PITPNC1: variants seen among roughly 807,000 people sequenced by gnomAD.
PITPNC1 encodes the protein phosphatidylinositol transfer protein cytoplasmic 1.
Under a neutral mutation model 44.7 loss-of-function variants are expected in PITPNC1, and 18 were observed. That is an observed-to-expected ratio of 0.40 (90% CI 0.28 to 0.60). The LOEUF is 0.60. Ranked by LOEUF, PITPNC1 falls within the 20% of genes least tolerant of loss-of-function variation. The pLI is 0.39. For missense variants in PITPNC1, 290 were observed against 418.4 expected, an observed-to-expected ratio of 0.69 and a Z score of 2.68; for synonymous variants, 141 against 149.6, an observed-to-expected ratio of 0.94 and a Z score of 0.42.
At chr17:67,405,841 A>G (rs2038389462) in intron 1 of PITPNC1, among the ~76,000 whole-genome samples, 1 of 152,110 alleles carries the variant, frequency 6.6e-6, no homozygotes. Context: ...TCCTGAGCTC[A>G]GGTGATCCTC....
intron 5 of PITPNC1, among the ~76,000 whole-genome samples, chr17:67,610,134 A>G (rs2041668120): frequency 6.6e-6 from 1 of 152,188 alleles, no homozygotes; most frequent in Non-Finnish European, 1.5e-5. Context: ...ATATCAGGTC[A>G]GGATACGAGA....
At chr17:67,681,979 C>G (rs549511009) in intron 8 of PITPNC1, among the ~76,000 whole-genome samples, 1 of 152,080 alleles carries the variant, frequency 6.6e-6, no homozygotes, top group Non-Finnish European at 1.5e-5. Context: ...AGGCAGATCA[C>G]CTTAGGTCAG....
At chr17:67,566,465 A>G (rs1390836862) in intron 4 of PITPNC1, among the ~76,000 whole-genome samples, 1 of 152,116 alleles carries the variant, frequency 6.6e-6, no homozygotes, top group African/African-American at 2.4e-5. Flanking sequence ...CAGCCTCCCA[A>G]AGTGCTGGGA....
rs1339996148 is a variant in PITPNC1 at position 67,379,465 on chromosome 17, G to A, written c.48+1263G>A. ...TACAAAACGCATCACGGGGACACAGGCTGCCAAGGAGGGAGAGATCAGCTT... is the reference window on the plus strand; with the variant it reads ...TACAAAACGCATCACGGGGACACAGACTGCCAAGGAGGGAGAGATCAGCTT... On this transcript the variant is annotated intron_variant, in intron 1 of 8. Coordinates refer to ENST00000581322, the MANE Select transcript of PITPNC1 (RefSeq NM_012417.4). 5 of 699,854 alleles carry A rather than the reference G, an allele frequency of 7.1e-6. No individual in the cohort carries two copies. The African/African-American group carries it at 9.7e-5, about 14-fold the overall frequency. 43.4% of individuals were successfully genotyped at this position (699,854 alleles called of 1,614,324 possible).
intron 1 of PITPNC1, among the ~76,000 whole-genome samples, chr17:67,414,555 C>G (rs2038557649): frequency 6.6e-6 from 1 of 152,096 alleles, no homozygotes; most frequent in African/African-American, 2.4e-5. Flanking sequence ...CCCATCACCT[C>G]TTCTTGTAAA....
rs558177562 is a variant in PITPNC1 at position 67,520,631 on chromosome 17, G to A, written c.49-12171G>A. On this transcript the variant is annotated intron_variant, in intron 1 of 8. Coordinates refer to ENST00000581322, the MANE Select transcript of PITPNC1 (RefSeq NM_012417.4). ...AGCATCTACAGGGCTTGGCATACACGTGAAATGCATGTTGAGTGATGAACG... is the reference window on the plus strand; with the variant it reads ...AGCATCTACAGGGCTTGGCATACACATGAAATGCATGTTGAGTGATGAACG... 5.3e-5 allele frequency among the ~76,000 whole-genome samples: 8 copies of A among 152,230 alleles called. No homozygotes were observed. In the South Asian group the frequency reaches 8.3e-4, roughly 16 times the overall value.
At chr17:67,637,875 G>GT (rs2042051065) in intron 6 of PITPNC1, 1 of 147,392 alleles carries the variant, frequency 6.8e-6, no homozygotes, top group African/African-American at 2.5e-5. Context: ...TGGGGTGGGG[G>GT]TGGGGGAGGA....
intron 8 of PITPNC1, among the ~76,000 whole-genome samples, chr17:67,683,933 G>A (rs1292955176): frequency 6.7e-6 from 1 of 148,226 alleles, no homozygotes; most frequent in Non-Finnish European, 1.5e-5. Flanking sequence ...AGCTGAAATT[G>A]CACCAGTGCA....
chr17:67,625,935 C>A (rs560067292), intron 5 of PITPNC1, among the ~76,000 whole-genome samples: 1 of 151,992 alleles, frequency 6.6e-6, no homozygotes, highest in African/African-American at 2.4e-5. Context: ...TCCCAGAATC[C>A]CTGAAACCCA....
chr17:67,470,931 G>A (rs1401218628), intron 1 of PITPNC1, among the ~76,000 whole-genome samples: 1 of 129,078 alleles, frequency 7.7e-6, no homozygotes, highest in African/African-American at 3.0e-5. Flanking sequence ...TGAAACATGT[G>A]CTGTGTCCAC....
chr17:67,507,211 G>C (rs751472604), intron 1 of PITPNC1, among the ~76,000 whole-genome samples: 1 of 152,132 alleles, frequency 6.6e-6, no homozygotes, highest in Non-Finnish European at 1.5e-5. Flanking sequence ...GAGAAGCCAC[G>C]CTGAGAATGT....
chr17:67,383,061 T>C (rs2037988635), intron 1 of PITPNC1, among the ~76,000 whole-genome samples: 2 of 152,004 alleles, frequency 1.3e-5, no homozygotes. Flanking sequence ...AGTGGCGCAA[T>C]CTTGGCTCAC....
chr17:67,482,923 A>G (rs949921677), intron 1 of PITPNC1, among the ~76,000 whole-genome samples: 2 of 152,154 alleles, frequency 1.3e-5, no homozygotes, highest in Admixed American at 1.3e-4. Flanking sequence ...CTCATTTGTG[A>G]CAAAACTAGG....
At chr17:67,406,880 C>G (rs1442621231) in intron 1 of PITPNC1, among the ~76,000 whole-genome samples, 1 of 152,170 alleles carries the variant, frequency 6.6e-6, no homozygotes, top group African/African-American at 2.4e-5. Context: ...AGCCACCATG[C>G]CTGGCCTCAT....
At chr17:67,628,520 C>T (rs1349423313) in intron 5 of PITPNC1, among the ~76,000 whole-genome samples, 1 of 152,224 alleles carries the variant, frequency 6.6e-6, no homozygotes, top group East Asian at 1.9e-4. Flanking sequence ...CCAGGAAGGA[C>T]AAACTTGGCA....
At chr17:67,425,656 G>C (rs781747520) in intron 1 of PITPNC1, among the ~76,000 whole-genome samples, 4 of 151,230 alleles carry the variant, frequency 2.6e-5, no homozygotes, top group Non-Finnish European at 4.4e-5. Flanking sequence ...CAAGTAGCTG[G>C]GACCAGAGGC....
At chr17:67,408,062 TCTC>T (rs757166733) in intron 1 of PITPNC1, among the ~76,000 whole-genome samples, 27 of 151,810 alleles carry the variant, frequency 1.8e-4, no homozygotes, top group Non-Finnish European at 3.7e-4. Flanking sequence ...TTCAAGCTAT[TCTC>T]CTGCCTCAGC....
intron 1 of PITPNC1, among the ~76,000 whole-genome samples, chr17:67,465,680 G>A (rs747551342): frequency 5.3e-5 from 8 of 152,080 alleles, no homozygotes; most frequent in Non-Finnish European, 7.4e-5. Context: ...TCTGATGTTC[G>A]GGGCTTTAGC....
chr17:67,532,707 C>A, intron 1 of PITPNC1, 95 bp from the exon 2 acceptor site: 2 of 956,304 alleles, frequency 2.1e-6, no homozygotes, highest in Admixed American at 2.3e-5. Flanking sequence ...GCAGAAGGTG[C>A]TGATGTTATT....
Sources: gnomAD v4.1 joint callset for allele counts (sites outside exome capture counted in the v4.1 genomes callset) on GRCh38, gnomAD v4.1.1 for gene constraint, MANE v1.5 for transcripts, NCBI Gene and HGNC (gene_info 2026-07-23, HGNC 2026-07-21) for gene names.